CTNND1: variants seen among roughly 807,000 people sequenced by gnomAD.
The protein encoded by CTNND1 is catenin delta-1.
CTNND1 carries 16 observed loss-of-function variants against 112.1 expected under a neutral mutation model. The ratio of observed to expected loss-of-function variants is 0.14; its 90% CI spans 0.10 to 0.22. CTNND1 has a LOEUF of 0.22. Ranked by LOEUF, CTNND1 falls within the 10% of genes least tolerant of loss-of-function variation. The pLI is 1.00. For missense variants in CTNND1, 1,008 were observed against 1,257.0 expected, an observed-to-expected ratio of 0.80 and a Z score of 3.00; for synonymous variants, 420 against 446.5, an observed-to-expected ratio of 0.94 and a Z score of 0.75.
chr11:57,766,115 TAATA>T (rs1437805732), intron 1 of CTNND1, among the ~76,000 whole-genome samples: 1 of 151,930 alleles, frequency 6.6e-6, no homozygotes, highest in African/African-American at 2.4e-5. Flanking sequence ...AAAATAATAA[TAATA>T]AATAAATAAA....
At chr11:57,795,234 C>T (rs1157570621) in intron 4 of CTNND1, among the ~76,000 whole-genome samples, 11 of 152,154 alleles carry the variant, frequency 7.2e-5, no homozygotes, top group Admixed American at 7.2e-4. Context: ...GGGTGAGCTG[C>T]TCTTTTGAGG....
intron 11 of CTNND1, 83 bp from the exon 12 acceptor site, chr11:57,806,832 T>A (rs1356651142): frequency 3.3e-6 from 4 of 1,215,790 alleles, no homozygotes; most frequent in Admixed American, 2.1e-5. Flanking sequence ...AGGTTCTGAC[T>A]GAAGGATGAA....
intron 17 of CTNND1, 51 bp from the exon 18 acceptor site, chr11:57,814,260 C>T (rs368369398): frequency 7.2e-7 from 1 of 1,380,718 alleles, no homozygotes; most frequent in Non-Finnish European, 1.0e-6. Flanking sequence ...ATGATGTGTA[C>T]AGATTTTGAA....
At chr11:57,782,244 C>T (rs1565301994) in intron 1 of CTNND1, among the ~76,000 whole-genome samples, 1 of 152,162 alleles carries the variant, frequency 6.6e-6, no homozygotes, top group Non-Finnish European at 1.5e-5. Flanking sequence ...GAATGTATCA[C>T]TCTTTCCTAA....
Position 57,795,584 on chromosome 11 carries a change from G to A in CTNND1, c.275G>A (p.Ser92Asn), listed in dbSNP as rs770019209. ...TTTCTCTTTTGCATATAGGATCACA[G>A]TCACCTTCTATATAGCACCATCCCC... is the stretch of plus-strand genomic sequence containing the variant. Reference protein sequence around the residue: ...DLKLNGPQDHSHLLYSTIPRM... With the variant: ...DLKLNGPQDHNHLLYSTIPRM... Residue 92 changes from serine to asparagine, a missense_variant, in exon 5 of 21, where the codon AGT becomes AAT. Physicochemically the swap from Ser to Asn is conservative, Grantham distance 46. Coordinates refer to ENST00000399050, the MANE Select transcript of CTNND1 (RefSeq NM_001085458.2). 7.5e-6 allele frequency: 12 copies of A among 1,610,404 alleles called. No homozygotes were observed. The East Asian group carries it at 1.1e-4, about 15-fold the overall frequency.
intron 17 of CTNND1, among the ~76,000 whole-genome samples, chr11:57,813,384 C>T (rs148242755): frequency 2.2e-4 from 33 of 152,216 alleles, no homozygotes; most frequent in African/African-American, 7.7e-4. Context: ...GTGATGTTAA[C>T]GAATGTGATT....
chr11:57,814,569 T>C (rs767821312), intron 18 of CTNND1, among the ~76,000 whole-genome samples, 196 bp downstream of exon 18: 4 of 152,236 alleles, frequency 2.6e-5, no homozygotes, highest in Non-Finnish European at 1.5e-5. Flanking sequence ...CATTCCTACA[T>C]GCTCAAAGGT....
At chr11:57,765,196 T>A (rs1200688566) in intron 1 of CTNND1, among the ~76,000 whole-genome samples, 1 of 152,216 alleles carries the variant, frequency 6.6e-6, no homozygotes, top group Non-Finnish European at 1.5e-5. Flanking sequence ...GATATTCTTG[T>A]CTTTCCCTCT....
intron 1 of CTNND1, among the ~76,000 whole-genome samples, chr11:57,763,393 C>T (rs955815398): frequency 6.6e-6 from 1 of 152,124 alleles, no homozygotes; most frequent in South Asian, 2.1e-4. Context: ...AATCTGATTT[C>T]GTTCTCCCCT....
chr11:57,805,477 A>C (rs1202782607), intron 9 of CTNND1, among the ~76,000 whole-genome samples: 1 of 151,828 alleles, frequency 6.6e-6, no homozygotes, highest in Non-Finnish European at 1.5e-5. Flanking sequence ...TCCCGACCTC[A>C]GGTGATCCAC....
Position 57,809,399 on chromosome 11 carries a change from T to G in CTNND1, c.2368T>G (p.Leu790Val). Residue 790 changes from leucine (L) to valine (V), a missense_variant, in exon 15 of 21, where the codon TTG (leucine) becomes GTG (valine). By Grantham distance (32) the Leu-to-Val change is conservative. Transcript: ENST00000399050. ...NTINEVIAEN[L>V]EAAKKLRETQ... is the part of the protein sequence containing the mutation. The stretch of plus-strand genomic sequence containing the variant: ...TATCAACGAGGTTATCGCTGAGAAC[T>G]TGGAGGCTGCCAAAAAGCTTCGAGA... The G allele has an allele frequency of 6.2e-7, 1 of 1,613,958 alleles. No individual in the cohort carries two copies. Among genetic ancestry groups the G allele is most frequent in the South Asian group, 1.1e-5 (1 of 91,070 alleles).
intron 13 of CTNND1, 39 bp downstream of exon 13, chr11:57,808,331 A>G: frequency 6.3e-7 from 1 of 1,599,764 alleles, no homozygotes; most frequent in Non-Finnish European, 8.6e-7. Context: ...GGGAAAACTT[A>G]GATAACTAGT....
intron 1 of CTNND1, among the ~76,000 whole-genome samples, chr11:57,769,223 G>A (rs1461900972): frequency 6.6e-6 from 1 of 151,978 alleles, no homozygotes; most frequent in East Asian, 1.9e-4. Context: ...GCTGAGGCAG[G>A]AGAATCGCTT....
chr11:57,763,965 TGGTGTG>T, intron 1 of CTNND1: 1 of 152,340 alleles, frequency 6.6e-6, no homozygotes, highest in Middle Eastern at 3.4e-3. Flanking sequence ...TTGTTTTGAC[TGGTGTG>T]TAGTACAGAG....
At chr11:57,785,619 G>A (rs1193360283) in intron 1 of CTNND1, among the ~76,000 whole-genome samples, 1 of 151,844 alleles carries the variant, frequency 6.6e-6, no homozygotes, top group African/African-American at 2.4e-5. Context: ...GCATGATCTC[G>A]GCTCACTGCA....
intron 1 of CTNND1, among the ~76,000 whole-genome samples, chr11:57,786,446 T>C (rs764428909): frequency 1.3e-5 from 2 of 152,032 alleles, no homozygotes; most frequent in Non-Finnish European, 2.9e-5. Context: ...GGCAGGAGAA[T>C]CGCCTGAACC....
intron 6 of CTNND1, 132 bp from the exon 7 acceptor site, chr11:57,801,601 T>C: frequency 1.4e-6 from 1 of 698,514 alleles, no homozygotes. Flanking sequence ...ATATTATTCA[T>C]GCAAAGGAGA....
intron 12 of CTNND1, 66 bp downstream of exon 12, chr11:57,807,049 C>G (rs192016682): frequency 1.6e-6 from 2 of 1,242,056 alleles, no homozygotes; most frequent in Non-Finnish European, 2.3e-6. Flanking sequence ...ATTTAGTAAC[C>G]TAACAGCAGA....
Position 57,806,042 on chromosome 11 carries a change from C to T in CTNND1, c.1876+7C>T, listed in dbSNP as rs971898501. On this transcript the variant is annotated splice_region_variant and intron_variant, in intron 10 of 20. Coordinates refer to ENST00000399050, the MANE Select transcript of CTNND1 (RefSeq NM_001085458.2). Reference sequence around the variant, plus strand: ...GGGGCCAAGAAGGGCAAAGGTGAGTCTTGGTTCCTGTTTCTTAGTCTTTAA... The same window carrying T: ...GGGGCCAAGAAGGGCAAAGGTGAGTTTTGGTTCCTGTTTCTTAGTCTTTAA... The T allele has an allele frequency of 6.2e-7, 1 of 1,606,846 alleles. No homozygotes were observed. The highest frequency in any genetic ancestry group is 2.2e-5 in the East Asian group (1 of 44,746).
Sources: gnomAD v4.1 joint callset for allele counts (sites outside exome capture counted in the v4.1 genomes callset) on GRCh38, gnomAD v4.1.1 for gene constraint, MANE v1.5 for transcripts, NCBI Gene and HGNC (gene_info 2026-07-23, HGNC 2026-07-21) for gene names.